The following HDX variants were observed in gnomAD, a reference collection of about 807,000 sequenced individuals.
HDX encodes the protein highly divergent homeobox, also known as chromosome X open reading frame 43.
A neutral mutation model predicts 45.2 loss-of-function variants in HDX; 19 were observed. The ratio of observed to expected loss-of-function variants is 0.42; its 90% CI spans 0.29 to 0.62. The LOEUF (loss-of-function observed/expected upper bound fraction) is 0.62, where lower values mean the gene tolerates loss of function less well. Among genes scored for constraint, HDX ranks in the 20% least tolerant of loss-of-function variants. The pLI is 0.20. For synonymous variants in HDX, 188 were observed against 172.8 expected (o/e 1.09, Z -0.69); for missense variants, 532 against 493.9 (o/e 1.08, Z -0.73).
intron 4 of HDX, among the ~76,000 whole-genome samples, chrX:84,446,941 G>T (rs2039886259): frequency 1.8e-5 from 2 of 111,493 alleles, no homozygotes; most frequent in Non-Finnish European, 3.8e-5. Flanking sequence ...TCTGTCTGGG[G>T]TCTGCCTGAG....
intron 6 of HDX, among the ~76,000 whole-genome samples, chrX:84,356,392 C>A (rs1363375873): frequency 9.0e-6 from 1 of 111,043 alleles, no homozygotes; most frequent in Non-Finnish European, 1.9e-5. Flanking sequence ...GTTCCTTATT[C>A]TTTCATCTAA....
At chrX:84,406,523 C>G (rs1470524981) in intron 5 of HDX, among the ~76,000 whole-genome samples, 2 of 33,079 alleles carry the variant, frequency 6.0e-5, no homozygotes, top group African/African-American at 1.6e-4. Context: ...CACACATACA[C>G]ACACACACAC....
intron 3 of HDX, 94 bp downstream of exon 3, chrX:84,475,157 A>G: frequency 1.2e-5 from 8 of 691,203 alleles, no homozygotes; most frequent in Non-Finnish European, 1.8e-5. Context: ...TTATAAAATT[A>G]GTGACTTCAT....
intron 7 of HDX, 39 bp downstream of exon 7, chrX:84,344,211 T>G: frequency 9.7e-7 from 1 of 1,031,483 alleles, no homozygotes; most frequent in Non-Finnish European, 1.4e-6. Flanking sequence ...GCATCAAATT[T>G]ACAAAGGCTA....
intron 5 of HDX, among the ~76,000 whole-genome samples, chrX:84,382,310 A>G (rs917606842): frequency 1.8e-5 from 2 of 111,433 alleles, no homozygotes; most frequent in Admixed American, 9.5e-5. Flanking sequence ...AACTAAAAAT[A>G]TAAGTACCAT....
intron 5 of HDX, among the ~76,000 whole-genome samples, chrX:84,364,141 C>T (rs2037685006): frequency 2.7e-5 from 3 of 111,197 alleles, no homozygotes; most frequent in African/African-American, 9.8e-5. Flanking sequence ...TGCAGAGTTT[C>T]CTGTTTTAAG....
At chrX:84,432,571 G>T (rs1464887177) in intron 5 of HDX, among the ~76,000 whole-genome samples, 1 of 110,354 alleles carries the variant, frequency 9.1e-6, no homozygotes, top group Non-Finnish European at 1.9e-5. Flanking sequence ...GTATTCTTAG[G>T]TTTTTTTTGT....
chrX:84,420,386 C>T (rs1033947736), intron 5 of HDX, among the ~76,000 whole-genome samples: 26 of 109,433 alleles, frequency 2.4e-4, no homozygotes, highest in African/African-American at 6.9e-4. Context: ...AATGATCAAA[C>T]GGAAGAAATA....
chrX:84,480,490 A>G (rs755702121), intron 2 of HDX, among the ~76,000 whole-genome samples: 1 of 111,721 alleles, frequency 9.0e-6, no homozygotes, highest in Admixed American at 9.5e-5. Flanking sequence ...TTTTTCATAC[A>G]TGCCTCTCAC....
At chrX:84,456,493 A>C (rs922442009) in intron 4 of HDX, among the ~76,000 whole-genome samples, 2 of 111,364 alleles carry the variant, frequency 1.8e-5, no homozygotes, top group African/African-American at 6.5e-5. Context: ...CAAAATAACC[A>C]GAAAACAAAT....
At chrX:84,449,093 T>G (rs1343081658) in intron 4 of HDX, among the ~76,000 whole-genome samples, 1 of 108,703 alleles carries the variant, frequency 9.2e-6, no homozygotes, top group Non-Finnish European at 1.9e-5. Flanking sequence ...AGATAGGTCT[T>G]TTGAAATAAC....
In HDX at chrX:84,321,905, A is replaced by G. The variant is rs2036604536; in HGVS notation, c.2057T>C (p.Val686Ala). ...FSVSSLSEKN[V>A]SESL ...CAACTGAAATCACAAACTTTCTGAG[A>G]CATTTTTCTCTGACAAAGAAGATAC... Residue 686 changes from valine to alanine, a missense_variant, in exon 11 of 11, where the codon GTC becomes GCC. Around this residue, in one of 3 missense-constraint regions of HDX, gnomAD observed 151 missense variants for 131.8 expected, o/e 1.15. Coordinates refer to ENST00000373177, the MANE Select transcript of HDX (RefSeq NM_001177479.2). 2.5e-6 allele frequency: 3 copies of G among 1,191,818 alleles called. No homozygotes were observed. Among genetic ancestry groups the G allele is most frequent in the Non-Finnish European group, 3.4e-6 (3 of 883,428 alleles).
intron 5 of HDX, among the ~76,000 whole-genome samples, chrX:84,373,887 T>C (rs1353748994): frequency 3.6e-5 from 4 of 109,950 alleles, no homozygotes; most frequent in African/African-American, 9.9e-5. Context: ...CTATTCAACA[T>C]AGTGTTGGAA....
intron 5 of HDX, among the ~76,000 whole-genome samples, chrX:84,367,556 G>A (rs1270755953): frequency 6.2e-5 from 7 of 112,389 alleles, no homozygotes. Flanking sequence ...GCACACTTGT[G>A]TTTACTGCAG....
rs780604632 is a variant in HDX at position 84,357,912 on chromosome X, A to T, written c.1452+3554T>A. Among the ~76,000 whole-genome samples the T allele has an allele frequency of 2.6e-3, 289 of 112,050 alleles. 2 individuals carry two copies. Among genetic ancestry groups the T allele is most frequent in the African/African-American group, 9.1e-3 (280 of 30,842 alleles). ...CCTTGTTAAAAGACAGCTGGTGAAC[A>T]GCCTTTGCCCCTTATTCTTCTCCCT... On this transcript the variant is annotated intron_variant, in intron 6 of 10. Coordinates refer to ENST00000373177, the MANE Select transcript of HDX (RefSeq NM_001177479.2).
intron 5 of HDX, among the ~76,000 whole-genome samples, chrX:84,406,395 G>A (rs1380248988): frequency 2.8e-5 from 3 of 105,266 alleles, no homozygotes; most frequent in African/African-American, 1.1e-4. Context: ...AGAAGTGGCT[G>A]TTTAAATAAG....
intron 5 of HDX, among the ~76,000 whole-genome samples, chrX:84,363,958 T>C (rs751452275): frequency 9.9e-5 from 11 of 111,495 alleles, no homozygotes; most frequent in Non-Finnish European, 1.1e-4. Flanking sequence ...AAGCTGAAAC[T>C]TTAGCCAGGT....
At chrX:84,391,335 T>A (rs1345261532) in intron 5 of HDX, among the ~76,000 whole-genome samples, 2 of 112,049 alleles carry the variant, frequency 1.8e-5, no homozygotes, top group Admixed American at 1.9e-4. Context: ...CCACATTTTT[T>A]ATCCACTTCT....
Position 84,469,480 on chromosome X carries a change from T to A in HDX, c.243A>T (p.Thr81=), listed in dbSNP as rs1304677123. 1.7e-6 allele frequency: 2 copies of A among 1,208,816 alleles called. No individual in the cohort carries two copies. Among genetic ancestry groups the A allele is most frequent in the Non-Finnish European group, 2.2e-6 (2 of 894,515 alleles). Residue 81 remains threonine (T), a synonymous_variant, in exon 4 of 11, where the codon ACA becomes ACT. Transcript: ENST00000373177. ...GAGCAATATTAACCACATTTCTGAC[T>A]GTGATGTCTGGAGCTGACAAAGAGG... ...TGTSLSAPDI[T]VRNVVNIARP...
Sources: allele counts gnomAD v4.1 joint callset (sites outside exome capture counted in the v4.1 genomes callset), GRCh38; gene constraint gnomAD v4.1.1; regional missense constraint gnomAD v4.1.1; transcripts MANE v1.5; gene names NCBI Gene and HGNC (gene_info 2026-07-23, HGNC 2026-07-21).